The following ADGRD1 variants were observed in gnomAD, a reference collection of about 807,000 sequenced individuals.
The protein encoded by ADGRD1 is G-protein coupled receptor 133.
In ADGRD1, 77 loss-of-function variants were observed where a neutral mutation model predicts 113.4. The ratio of observed to expected loss-of-function variants is 0.68; its 90% confidence interval spans 0.57 to 0.82. The LOEUF is 0.82. ADGRD1 is among the 40% of genes least tolerant of loss of function. The pLI is 0.00. For synonymous variants in ADGRD1, 474 were observed against 475.0 expected, an observed-to-expected ratio of 1.00 and a Z score of 0.03; for missense variants, 1,036 against 1,139.1, an observed-to-expected ratio of 0.91 and a Z score of 1.30.
At chr12:131,011,609 A>G (rs1469188591) in intron 12 of ADGRD1, among the ~76,000 whole-genome samples, 1 of 152,130 alleles carries the variant, frequency 6.6e-6, no homozygotes. Flanking sequence ...GATGATGACC[A>G]CCGGTTGCAC....
chr12:131,068,267 A>T (rs1884880528), intron 13 of ADGRD1, among the ~76,000 whole-genome samples: 1 of 152,110 alleles, frequency 6.6e-6, no homozygotes, highest in Non-Finnish European at 1.5e-5. Flanking sequence ...GCTGGGTTTG[A>T]TGATGCACGC....
intron 15 of ADGRD1, among the ~76,000 whole-genome samples, chr12:131,087,517 G>A (rs1400009211): frequency 3.3e-5 from 5 of 152,240 alleles, no homozygotes; most frequent in African/African-American, 9.6e-5. Context: ...GGGGCTTTCC[G>A]GCTCAGGGCC....
chr12:131,074,718 A>G (rs1188506708), intron 13 of ADGRD1, among the ~76,000 whole-genome samples: 1 of 152,188 alleles, frequency 6.6e-6, no homozygotes, highest in Non-Finnish European at 1.5e-5. Flanking sequence ...AACTCCACAC[A>G]CATGAAGAGT....
intron 23 of ADGRD1, 143 bp from the exon 24 acceptor site, chr12:131,137,994 T>C (rs1055152453): frequency 1.0e-5 from 7 of 674,344 alleles, no homozygotes; most frequent in African/African-American, 8.8e-5. Flanking sequence ...AGCTCAGCTG[T>C]GGAGCCAGCA....
intron 20 of ADGRD1, among the ~76,000 whole-genome samples, chr12:131,124,638 A>G (rs1950698905): frequency 6.6e-6 from 1 of 152,108 alleles, no homozygotes; most frequent in Non-Finnish European, 1.5e-5. Flanking sequence ...ACCCCCCACC[A>G]GGCGTCTACA....
chr12:131,135,337 C>T (rs1951046214), intron 21 of ADGRD1, among the ~76,000 whole-genome samples: 1 of 152,150 alleles, frequency 6.6e-6, no homozygotes, highest in Non-Finnish European at 1.5e-5. Context: ...TCAAGAGGGC[C>T]CATGGGCTCT....
At chr12:130,986,263 G>T (rs1360429283) in intron 5 of ADGRD1, among the ~76,000 whole-genome samples, 3 of 152,122 alleles carry the variant, frequency 2.0e-5, no homozygotes, top group Non-Finnish European at 2.9e-5. Context: ...TCACAACATT[G>T]AGTCTTTCTG....
At chr12:130,981,560 A>G (rs1182380469) in intron 4 of ADGRD1, among the ~76,000 whole-genome samples, 1 of 152,174 alleles carries the variant, frequency 6.6e-6, no homozygotes, top group East Asian at 1.9e-4. Flanking sequence ...CTGGGGCTGC[A>G]GCGATCTTCA....
intron 4 of ADGRD1, among the ~76,000 whole-genome samples, chr12:130,972,365 G>A (rs1400591668): frequency 6.6e-6 from 1 of 152,144 alleles, no homozygotes; most frequent in African/African-American, 2.4e-5. Context: ...AAGGCATTTT[G>A]GACATCAGAT....
At position 131,057,579 on chromosome 12, in the gene ADGRD1, G is replaced by C. The variant is rs933025496; in HGVS notation, c.1474-19222G>C. Among the ~76,000 whole-genome samples, 3 of 152,160 alleles carry C rather than the reference G, an allele frequency of 2.0e-5. No individual in the cohort carries two copies. The stretch of plus-strand genomic sequence containing the variant: ...TCCTGGCCTGCGGCAGCCAACTCCA[G>C]TCTCTGCCCCGTCTCCCCACGGCCT... On this transcript the variant is annotated intron_variant, in intron 13 of 24. Transcript: ENST00000261654. The surrounding 1 kb of genome is among the most constrained non-coding windows in gnomAD (Gnocchi z 4.2).
At chr12:131,129,119 G>A (rs1437993904) in intron 20 of ADGRD1, among the ~76,000 whole-genome samples, 1 of 140,874 alleles carries the variant, frequency 7.1e-6, no homozygotes, top group African/African-American at 2.7e-5. Flanking sequence ...TGACAGGCCG[G>A]CCCTGCTGTC....
chr12:130,985,762 G>C lies in ADGRD1; in HGVS notation c.491-1333G>C, dbSNP rs142661260. The stretch of plus-strand genomic sequence containing the variant: ...AGACGGGGTTTTGCCATGTTGGCTA[G>C]GCTGGTCTCGAACTCCTGACTTCAG... On this transcript the variant is annotated intron_variant, in intron 5 of 24. Coordinates refer to ENST00000261654, the MANE Select transcript of ADGRD1 (RefSeq NM_198827.5). Among the ~76,000 whole-genome samples, 880 of 152,268 alleles carry C rather than the reference G, an allele frequency of 5.8e-3. 3 individuals carry two copies. The highest frequency in any genetic ancestry group is 0.011 in the Non-Finnish European group (724 of 68,018).
intron 15 of ADGRD1, among the ~76,000 whole-genome samples, chr12:131,092,941 C>G (rs1887012992): frequency 6.6e-6 from 1 of 151,720 alleles, no homozygotes; most frequent in Non-Finnish European, 1.5e-5. Flanking sequence ...TGGGCTTCCC[C>G]CTCTGGCTGG....
At chr12:131,028,127 G>C (rs1266335444) in intron 13 of ADGRD1, 5 of 152,174 alleles carry the variant, frequency 3.3e-5, no homozygotes, top group Non-Finnish European at 5.9e-5. Flanking sequence ...CCAGCATTGG[G>C]TGTGGCCCGT....
intron 19 of ADGRD1, among the ~76,000 whole-genome samples, chr12:131,118,958 G>A (rs560625384): frequency 6.6e-6 from 1 of 152,260 alleles, no homozygotes; most frequent in African/African-American, 2.4e-5. Flanking sequence ...ACCTTATGAT[G>A]TCCAGTATCT....
chr12:131,137,968 C>T (rs1951138366), intron 23 of ADGRD1, 169 bp from the exon 24 acceptor site: 4 of 626,190 alleles, frequency 6.4e-6, no homozygotes, highest in Middle Eastern at 3.8e-4. Flanking sequence ...CTCTGCCCCA[C>T]AGAGCAGCGA....
chr12:131,062,328 G>A (rs1884397544), intron 13 of ADGRD1, among the ~76,000 whole-genome samples: 9 of 152,168 alleles, frequency 5.9e-5, no homozygotes. Flanking sequence ...CCCACTGAAG[G>A]ATGTTTTGGT....
intron 9 of ADGRD1, among the ~76,000 whole-genome samples, 189 bp from the exon 10 acceptor site, chr12:131,002,996 C>T (rs576785431): frequency 9.2e-5 from 14 of 152,264 alleles, no homozygotes; most frequent in African/African-American, 2.9e-4. Flanking sequence ...GTCCATGCTC[C>T]GTGAGCTCAG....
chr12:131,014,288 C>T lies in ADGRD1; in HGVS notation c.1421C>T (p.Ser474Phe). ...GAGGTGTCCCCACCACCCACCCTGT[C>T]TCAGAACCTGTCGGGCTCTCCACTC... ...SLEVSPPPTL[S>F]QNLSGSPLIT... Residue 474 changes from serine to phenylalanine, a missense_variant, in exon 13 of 25, where the codon TCT (serine) becomes TTT (phenylalanine). Transcript: ENST00000261654. 1.9e-6 allele frequency: 3 copies of T among 1,614,182 alleles called. No homozygotes were observed. The highest frequency in any genetic ancestry group is 2.5e-6 in the Non-Finnish European group (3 of 1,179,990).
Sources: allele counts gnomAD v4.1 joint callset (sites outside exome capture counted in the v4.1 genomes callset), GRCh38; gene constraint gnomAD v4.1.1; non-coding constraint Gnocchi (gnomAD v3.1); transcripts MANE v1.5; gene names NCBI Gene and HGNC (gene_info 2026-07-23, HGNC 2026-07-21).